DNAH12: variants seen among roughly 807,000 people sequenced by gnomAD.
The protein encoded by DNAH12 is dynein axonemal heavy chain 12.
In DNAH12, 285 loss-of-function variants were observed where a neutral mutation model predicts 371.5. The observed-to-expected ratio is 0.77, with a 90% CI of 0.70 to 0.85. DNAH12 has a LOEUF of 0.85. DNAH12 is among the 40% of genes least tolerant of loss of function. The pLI, the probability that DNAH12 is intolerant of heterozygous loss-of-function variation, is 0.00. For missense variants in DNAH12, 3,611 were observed against 3,689.4 expected, an observed-to-expected ratio of 0.98 and a Z score of 0.55; for synonymous variants, 1,200 against 1,213.0, an observed-to-expected ratio of 0.99 and a Z score of 0.22.
chr3:57,359,989 G>T (rs2062888291), intron 58 of DNAH12, among the ~76,000 whole-genome samples: 1 of 152,158 alleles, frequency 6.6e-6, no homozygotes, highest in African/African-American at 2.4e-5. Flanking sequence ...AGTCAGAAAG[G>T]TCCTATCATT....
At chr3:57,322,319 A>G in intron 65 of DNAH12, 24 bp downstream of exon 65, 2 of 1,535,036 alleles carry the variant, frequency 1.3e-6, no homozygotes, top group Non-Finnish European at 1.8e-6. Context: ...ACACATTTTA[A>G]AAGTTCCAAA....
intron 69 of DNAH12, among the ~76,000 whole-genome samples, chr3:57,306,054 C>T (rs769015322): frequency 5.3e-5 from 8 of 152,108 alleles, no homozygotes; most frequent in Non-Finnish European, 1.0e-4. Context: ...AAAATCGGAC[C>T]GTTCAACTCA....
intron 45 of DNAH12, among the ~76,000 whole-genome samples, chr3:57,389,175 T>C (rs911677491): frequency 6.6e-6 from 1 of 152,084 alleles, no homozygotes; most frequent in Non-Finnish European, 1.5e-5. Flanking sequence ...CTTGTGTATA[T>C]TTACTTCTTT....
chr3:57,507,412 G>A (rs2067803491), intron 8 of DNAH12, among the ~76,000 whole-genome samples: 1 of 151,932 alleles, frequency 6.6e-6, no homozygotes, highest in African/African-American at 2.4e-5. Context: ...ATATCCTTTA[G>A]GCATGAGCCA....
At chr3:57,309,333 G>T in intron 68 of DNAH12, 79 bp from the exon 69 acceptor site, 1 of 1,121,254 alleles carries the variant, frequency 8.9e-7, no homozygotes, top group South Asian at 1.5e-5. Flanking sequence ...TATAATAATA[G>T]CTAATACTAG....
the DNAH12 span, among the ~76,000 whole-genome samples, chr3:57,552,303 C>T: frequency 2.0e-5 from 3 of 151,936 alleles, no homozygotes; most frequent in Non-Finnish European, 4.4e-5. Context: ...ACAATCCTCC[C>T]GTCTCAGCCT....
intron 37 of DNAH12, among the ~76,000 whole-genome samples, chr3:57,418,192 G>A (rs2064441605): frequency 6.6e-6 from 1 of 151,120 alleles, no homozygotes; most frequent in South Asian, 2.1e-4. Flanking sequence ...TATATATATG[G>A]TTTACTTTAT....
rs2061353293 is a variant in DNAH12 at position 57,301,784 on chromosome 3, G to A, written c.11345C>T (p.Pro3782Leu). 1 of 1,551,166 alleles carries A rather than the reference G, an allele frequency of 6.4e-7. No homozygotes were observed. The highest frequency in any genetic ancestry group is 8.7e-7 in the Non-Finnish European group (1 of 1,146,976). Residue 3782 changes from proline to leucine, a missense_variant, in exon 70 of 74, where the codon CCC becomes CTC. By Grantham distance (98) the Pro-to-Leu change is moderately conservative (BLOSUM62 -3). Transcript: ENST00000495027. ...GAAATCTGTGATGTAACTTCCCAGG[G>A]GCTTAAGGCTTGGGTATGAACGTTT... ...WAKRSYPSLKPLGSYITDFLA... is the reference protein window; with the variant it reads ...WAKRSYPSLKLLGSYITDFLA...
chr3:57,430,389 TACTC>T (rs2153365488), intron 32 of DNAH12, among the ~76,000 whole-genome samples: 1 of 152,336 alleles, frequency 6.6e-6, no homozygotes, highest in Admixed American at 6.5e-5. Context: ...TATCATCTAA[TACTC>T]AGTCAATACT....
intron 73 of DNAH12, among the ~76,000 whole-genome samples, chr3:57,295,138 A>T (rs1463268161): frequency 6.6e-6 from 1 of 152,188 alleles, no homozygotes; most frequent in Non-Finnish European, 1.5e-5. Context: ...GCAGTTTCTT[A>T]TAGCCAGAAA....
At chr3:57,307,632 C>A (rs755571609) in intron 69 of DNAH12, among the ~76,000 whole-genome samples, 1 of 152,164 alleles carries the variant, frequency 6.6e-6, no homozygotes, top group Non-Finnish European at 1.5e-5. Context: ...CTTCCTCACA[C>A]CTGACACATA....
intron 13 of DNAH12, among the ~76,000 whole-genome samples, chr3:57,479,053 G>C (rs1281859257): frequency 1.3e-5 from 2 of 152,128 alleles, no homozygotes; most frequent in Non-Finnish European, 1.5e-5. Context: ...CTTAATGACA[G>C]GAACAAATTC....
At chr3:57,515,302 T>TA (rs2068152146) in intron 4 of DNAH12, among the ~76,000 whole-genome samples, 1 of 151,848 alleles carries the variant, frequency 6.6e-6, no homozygotes. Context: ...AGGGCTAGAA[T>TA]AGAAAAAGTA....
chr3:57,400,958 T>A (rs2063844063), intron 43 of DNAH12, among the ~76,000 whole-genome samples: 1 of 152,162 alleles, frequency 6.6e-6, no homozygotes, highest in Non-Finnish European at 1.5e-5. Context: ...TAGACCACAT[T>A]AGGCCACAAA....
chr3:57,294,280 G>A (rs780063072), intron 73 of DNAH12, among the ~76,000 whole-genome samples: 15 of 150,800 alleles, frequency 9.9e-5, no homozygotes, highest in African/African-American at 3.2e-4. Context: ...AGGTTCAAGC[G>A]ATTCTCTTGT....
intron 43 of DNAH12, among the ~76,000 whole-genome samples, chr3:57,400,821 G>GATC (rs1311687560): frequency 2.0e-5 from 3 of 152,112 alleles, no homozygotes; most frequent in South Asian, 2.1e-4. Flanking sequence ...CCTGACAGAA[G>GATC]ATCAATAAGG....
At chr3:57,488,648 G>A (rs530411173) in intron 12 of DNAH12, among the ~76,000 whole-genome samples, 1 of 152,196 alleles carries the variant, frequency 6.6e-6, no homozygotes, top group South Asian at 2.1e-4. Flanking sequence ...TTGCTTCCGG[G>A]AAAATAAACA....
At chr3:57,370,242 A>C (rs966233678) in intron 55 of DNAH12, among the ~76,000 whole-genome samples, 10 of 151,322 alleles carry the variant, frequency 6.6e-5, no homozygotes, top group Non-Finnish European at 1.2e-4. Context: ...GAGACATAGT[A>C]AGTGTTTTCA....
intron 2 of DNAH12, 25 bp from the exon 3 acceptor site, chr3:57,523,909 A>T: frequency 1.3e-6 from 2 of 1,505,612 alleles, no homozygotes; most frequent in Admixed American, 1.8e-5. Flanking sequence ...TAGAAATATG[A>T]CTCTCTTGAT....
Sources: allele counts gnomAD v4.1 joint callset (sites outside exome capture counted in the v4.1 genomes callset), GRCh38; gene constraint gnomAD v4.1.1; transcripts MANE v1.5; gene names NCBI Gene and HGNC (gene_info 2026-07-23, HGNC 2026-07-21).